Variants in KCNH7 observed in about 807,000 individuals in gnomAD.
KCNH7 encodes voltage-gated inwardly rectifying potassium channel KCNH7.
A neutral mutation model predicts 120.8 loss-of-function variants in KCNH7; 49 were observed. The ratio of observed to expected loss-of-function variants is 0.41; its 90% CI spans 0.32 to 0.51. KCNH7 has a LOEUF of 0.51. KCNH7 is among the 20% of genes least tolerant of loss of function. The pLI is 0.38. For missense variants in KCNH7, 1,097 were observed against 1,446.6 expected, an observed-to-expected ratio of 0.76 and a Z score of 3.92; for synonymous variants, 547 against 516.1, an observed-to-expected ratio of 1.06 and a Z score of -0.81.
intron 2 of KCNH7, among the ~76,000 whole-genome samples, chr2:162,570,206 A>G (rs7422653): frequency 0.55 from 77,464 of 141,844 alleles, 21,852 homozygotes; most frequent in Admixed American, 0.66. Flanking sequence ...TTATGAATCT[A>G]GGTGCTCCTG....
intron 2 of KCNH7, among the ~76,000 whole-genome samples, chr2:162,802,541 T>C (rs1341278102): frequency 6.6e-6 from 1 of 151,722 alleles, no homozygotes. Flanking sequence ...CAGCAATATC[T>C]CTATACCAGT....
chr2:162,742,080 C>T (rs1259386069), intron 2 of KCNH7, among the ~76,000 whole-genome samples: 1 of 152,084 alleles, frequency 6.6e-6, no homozygotes, highest in Non-Finnish European at 1.5e-5. Context: ...ATTAAGACAT[C>T]AAAAGTTCTG....
chr2:162,766,293 C>T (rs1331490322), intron 2 of KCNH7, among the ~76,000 whole-genome samples: 1 of 152,036 alleles, frequency 6.6e-6, no homozygotes, highest in Non-Finnish European at 1.5e-5. Flanking sequence ...TTGGCACATG[C>T]GCCTTGACGT....
At chr2:162,423,118 A>G in intron 9 of KCNH7, 1 of 911,880 alleles carries the variant, frequency 1.1e-6, no homozygotes, top group Non-Finnish European at 1.6e-6. Context: ...ATCAGTTTGC[A>G]TCATGTTATA....
At chr2:162,504,998 A>G (rs1346182103) in intron 5 of KCNH7, among the ~76,000 whole-genome samples, 1 of 152,002 alleles carries the variant, frequency 6.6e-6, no homozygotes, top group Non-Finnish European at 1.5e-5. Flanking sequence ...TATAAATTTC[A>G]TTTTGTAATT....
intron 3 of KCNH7, 130 bp downstream of exon 3, chr2:162,536,795 T>C: frequency 1.1e-6 from 1 of 946,032 alleles, no homozygotes. Context: ...GCTAATGGCT[T>C]ACTCATGTCA....
At chr2:162,590,012 A>C (rs1559032520) in intron 2 of KCNH7, among the ~76,000 whole-genome samples, 1 of 152,096 alleles carries the variant, frequency 6.6e-6, no homozygotes, top group East Asian at 1.9e-4. Flanking sequence ...TATATGGAAA[A>C]TTAGATTATT....
intron 11 of KCNH7, among the ~76,000 whole-genome samples, chr2:162,395,376 C>T (rs1686881297): frequency 6.6e-6 from 1 of 151,680 alleles, no homozygotes; most frequent in African/African-American, 2.4e-5. Flanking sequence ...TTAAATTTCA[C>T]AACAATAAAT....
At chr2:162,406,600 C>A (rs1234768024) in intron 9 of KCNH7, among the ~76,000 whole-genome samples, 1 of 151,820 alleles carries the variant, frequency 6.6e-6, no homozygotes. Flanking sequence ...ATTAACACTC[C>A]CTATGAAACA....
rs542495755 is a variant in KCNH7, at chr2:162,572,707, C to T, written c.308-35627G>A. 2.8e-4 allele frequency among the ~76,000 whole-genome samples: 39 copies of T among 138,588 alleles called. No individual in the cohort carries two copies. In the East Asian group the frequency reaches 5.4e-3, roughly 19 times the overall value. The allele number at this position is 138,588 out of a possible 152,430, so 90.9% of individuals were successfully genotyped here. On this transcript the variant is annotated intron_variant, in intron 2 of 15. Transcript: ENST00000332142. ...TGTGGCACATATACACCATGGAATACTATGCAGCCATAAAAAATGATGAGT... is the reference window on the plus strand; with the variant it reads ...TGTGGCACATATACACCATGGAATATTATGCAGCCATAAAAAATGATGAGT...
chr2:162,548,537 A>C lies in KCNH7; in HGVS notation c.308-11457T>G, dbSNP rs79939178. 5.2e-3 allele frequency among the ~76,000 whole-genome samples: 796 copies of C among 152,204 alleles called. 5 individuals carry two copies. Among genetic ancestry groups the C allele is most frequent in the African/African-American group, 0.016 (674 of 41,542 alleles). ...AATGACTGCTATTGTCCATTTCTAC[A>C]TTGAGACCACAGAGAAGGATGAAGG... On this transcript the variant is annotated intron_variant, in intron 2 of 15. Transcript: ENST00000332142.
chr2:162,787,487 G>A (rs1006822696), intron 2 of KCNH7, among the ~76,000 whole-genome samples: 6 of 151,894 alleles, frequency 4.0e-5, no homozygotes, highest in Admixed American at 1.3e-4. Context: ...TGGCATCCAC[G>A]AATTCAGGCT....
At chr2:162,669,782 C>T (rs1685276076) in intron 2 of KCNH7, among the ~76,000 whole-genome samples, 1 of 152,118 alleles carries the variant, frequency 6.6e-6, no homozygotes, top group African/African-American at 2.4e-5. Flanking sequence ...GTCAATAGTG[C>T]TGAGGTAATG....
At chr2:162,374,009 C>T (rs1260057716) in intron 14 of KCNH7, among the ~76,000 whole-genome samples, 1 of 152,120 alleles carries the variant, frequency 6.6e-6, no homozygotes, top group African/African-American at 2.4e-5. Context: ...TTAGGTTTTA[C>T]TCAGTTTCTT....
Position 162,801,317 on chromosome 2 carries a change from G to T in KCNH7, c.307+35220C>A, listed in dbSNP as rs374782133. 4.6e-5 allele frequency among the ~76,000 whole-genome samples: 7 copies of T among 151,610 alleles called. No homozygotes were observed. The East Asian group carries it at 1.4e-3, about 29-fold the overall frequency. On this transcript the variant is annotated intron_variant, in intron 2 of 15. Coordinates refer to ENST00000332142, the MANE Select transcript of KCNH7 (RefSeq NM_033272.4). The stretch of plus-strand genomic sequence containing the variant: ...AAATATTTACACTTAAATATTTAGG[G>T]TGCTGAAATTAACTGCAGGAATAGC...
intron 2 of KCNH7, among the ~76,000 whole-genome samples, chr2:162,693,752 G>A (rs1686193752): frequency 6.6e-6 from 1 of 152,164 alleles, no homozygotes; most frequent in African/African-American, 2.4e-5. Flanking sequence ...ATTTCTTAAT[G>A]ACTGAAAAGA....
intron 6 of KCNH7, 129 bp from the exon 7 acceptor site, chr2:162,446,572 T>C (rs1483887372): frequency 2.9e-6 from 2 of 682,508 alleles, no homozygotes; most frequent in East Asian, 5.5e-5. Flanking sequence ...TTTGGAAGTA[T>C]TTATGAAACA....
At chr2:162,522,494 T>C (rs1254045837) in intron 3 of KCNH7, among the ~76,000 whole-genome samples, 2 of 151,900 alleles carry the variant, frequency 1.3e-5, no homozygotes, top group Non-Finnish European at 2.9e-5. Flanking sequence ...CCGGAAAGAA[T>C]GCACATTGAG....
At chr2:162,574,788 G>A (rs1693614063) in intron 2 of KCNH7, among the ~76,000 whole-genome samples, 1 of 152,044 alleles carries the variant, frequency 6.6e-6, no homozygotes, top group Non-Finnish European at 1.5e-5. Flanking sequence ...AGTCCCAGCA[G>A]GCCCATGACA....
Sources: allele counts gnomAD v4.1 joint callset (sites outside exome capture counted in the v4.1 genomes callset), GRCh38; gene constraint gnomAD v4.1.1; transcripts MANE v1.5; gene names NCBI Gene and HGNC (gene_info 2026-07-23, HGNC 2026-07-21).